NAALADL2: variants seen among roughly 807,000 people sequenced by gnomAD.
NAALADL2 encodes the protein inactive N-acetylated-alpha-linked acidic dipeptidase-like protein 2.
In NAALADL2, 76 loss-of-function variants were observed where a neutral mutation model predicts 87.2. That is an observed-to-expected ratio of 0.87 (90% confidence interval 0.72 to 1.05). The LOEUF (loss-of-function observed/expected upper bound fraction) is 1.05, where lower values mean the gene tolerates loss of function less well. NAALADL2 is among the 50% of genes least tolerant of loss of function. The pLI, the probability that NAALADL2 is intolerant of heterozygous loss-of-function variation, is 0.00. For synonymous variants in NAALADL2, 354 were observed against 331.0 expected (o/e 1.07, Z -0.75); for missense variants, 1,089 against 945.8 (o/e 1.15, Z -1.99).
intron 5 of NAALADL2, among the ~76,000 whole-genome samples, chr3:175,338,812 G>T (rs1762297316): frequency 6.6e-6 from 1 of 152,072 alleles, no homozygotes; most frequent in Non-Finnish European, 1.5e-5. Flanking sequence ...TCCTTTGGCT[G>T]GGGCTGAGCC....
rs1173921697 is a variant in NAALADL2, at chr3:174,527,898, A to G, written c.-183-22671A>G. 2.6e-5 allele frequency among the ~76,000 whole-genome samples: 4 copies of G among 152,310 alleles called. No individual in the cohort carries two copies. In the Middle Eastern group the frequency reaches 0.01, roughly 389 times the overall value. ...TGTATCCCTTTGAAAGTGATGAACT[A>G]GACCGGGGCTGGCAAATTATGGTCC... On this transcript the variant is annotated intron_variant, in intron 1 of 3. Transcript: ENST00000434257.
intron 10 of NAALADL2, among the ~76,000 whole-genome samples, chr3:175,609,898 C>A: frequency 6.6e-6 from 1 of 152,090 alleles, no homozygotes; most frequent in East Asian, 1.9e-4. Flanking sequence ...AAGCACCAGT[C>A]TCTCAAAGTC....
chr3:174,787,766 A>G (rs1236327291), intron 3 of NAALADL2, among the ~76,000 whole-genome samples: 2 of 150,972 alleles, frequency 1.3e-5, no homozygotes, highest in East Asian at 3.9e-4. Context: ...CTAAGTGTCA[A>G]TACGTTGTAT....
intron 1 of NAALADL2, among the ~76,000 whole-genome samples, chr3:174,877,310 A>G (rs1044650874): frequency 6.6e-6 from 1 of 152,168 alleles, no homozygotes; most frequent in African/African-American, 2.4e-5. Flanking sequence ...CTGATGGTTA[A>G]CAAACTTATG....
intron 4 of NAALADL2, among the ~76,000 whole-genome samples, chr3:175,286,114 G>C (rs1257812578): frequency 6.6e-6 from 1 of 152,150 alleles, no homozygotes; most frequent in Non-Finnish European, 1.5e-5. Flanking sequence ...GCACTTATCT[G>C]TTGACATTAG....
intron 1 of NAALADL2, among the ~76,000 whole-genome samples, chr3:175,029,740 A>G (rs2108905760): frequency 6.6e-6 from 1 of 151,892 alleles, no homozygotes; most frequent in South Asian, 2.1e-4. Context: ...GACACACTAA[A>G]CCCCTCTGAG....
At chr3:175,408,237 T>C (rs967085803) in intron 5 of NAALADL2, among the ~76,000 whole-genome samples, 10 of 152,242 alleles carry the variant, frequency 6.6e-5, no homozygotes, top group Admixed American at 6.5e-4. Context: ...TTAATAGCAA[T>C]GCATTGTATA....
intron 3 of NAALADL2, among the ~76,000 whole-genome samples, chr3:174,763,060 A>G (rs1220783459): frequency 6.6e-6 from 1 of 152,148 alleles, no homozygotes; most frequent in Non-Finnish European, 1.5e-5. Context: ...ATGTACAGTT[A>G]CTTTGCTCCT....
At chr3:175,354,785 C>G (rs1440366699) in intron 5 of NAALADL2, among the ~76,000 whole-genome samples, 1 of 151,460 alleles carries the variant, frequency 6.6e-6, no homozygotes, top group Non-Finnish European at 1.5e-5. Context: ...TCCTGAGTAG[C>G]TGGAATTACA....
chr3:175,506,459 C>T (rs7628208), intron 9 of NAALADL2, among the ~76,000 whole-genome samples: 30,803 of 152,074 alleles, frequency 0.2, 5,187 homozygotes, highest in African/African-American at 0.46. Context: ...CTAATAATTT[C>T]AAAGATAAAA....
At chr3:175,705,087 G>A (rs1486725732) in intron 11 of NAALADL2, among the ~76,000 whole-genome samples, 5 of 152,144 alleles carry the variant, frequency 3.3e-5, no homozygotes, top group Admixed American at 6.6e-5. Flanking sequence ...AGGAACCACA[G>A]TAGTGGAGAA....
Position 174,831,216 on chromosome 3 carries a change from C to T in NAALADL2, c.-9+93470C>T, listed in dbSNP as rs1182137836. Reference sequence around the variant, plus strand: ...TCAAAGGGAATGCTTCCAGCTTTTGCCCATTCAGTATGATATTGGCTGTGG... The same window carrying T: ...TCAAAGGGAATGCTTCCAGCTTTTGTCCATTCAGTATGATATTGGCTGTGG... On this transcript the variant is annotated intron_variant, in intron 3 of 3. Coordinates refer to the NAALADL2 transcript ENST00000434257. 2.5e-3 allele frequency among the ~76,000 whole-genome samples: 385 copies of T among 151,764 alleles called. 2 individuals carry two copies. Among genetic ancestry groups the T allele is most frequent in the African/African-American group, 9.1e-3 (374 of 41,192 alleles).
chr3:175,432,542 C>T (rs1013963761), intron 5 of NAALADL2, among the ~76,000 whole-genome samples: 4 of 152,012 alleles, frequency 2.6e-5, no homozygotes, highest in African/African-American at 7.2e-5. Flanking sequence ...TCCGGTTAAC[C>T]TTGGCTCCTT....
At chr3:174,803,632 G>A (rs1719104699) in intron 3 of NAALADL2, among the ~76,000 whole-genome samples, 1 of 152,124 alleles carries the variant, frequency 6.6e-6, no homozygotes, top group South Asian at 2.1e-4. Flanking sequence ...AATACATCTT[G>A]AGTTAATTTT....
At chr3:175,094,602 A>G (rs1270703396) in intron 1 of NAALADL2, among the ~76,000 whole-genome samples, 1 of 151,888 alleles carries the variant, frequency 6.6e-6, no homozygotes, top group Admixed American at 6.6e-5. Flanking sequence ...TCCTTGAATC[A>G]TTTGGGAAAC....
At chr3:174,843,809 G>T (rs1417139269) in intron 3 of NAALADL2, among the ~76,000 whole-genome samples, 1 of 151,632 alleles carries the variant, frequency 6.6e-6, no homozygotes, top group Non-Finnish European at 1.5e-5. Flanking sequence ...ATTTACCTTT[G>T]GATATTTGTA....
intron 1 of NAALADL2, among the ~76,000 whole-genome samples, chr3:174,890,529 T>G (rs1050633846): frequency 6.6e-6 from 1 of 152,100 alleles, no homozygotes; most frequent in African/African-American, 2.4e-5. Flanking sequence ...ACATAAGAAA[T>G]ACAGACAGAA....
intron 1 of NAALADL2, among the ~76,000 whole-genome samples, chr3:174,466,852 A>G (rs1716562621): frequency 6.6e-6 from 1 of 152,292 alleles, no homozygotes; most frequent in African/African-American, 2.4e-5. Flanking sequence ...TTAAACACAT[A>G]GTTCTTTATA....
At chr3:175,233,292 A>G (rs1262166473) in intron 2 of NAALADL2, among the ~76,000 whole-genome samples, 1 of 152,206 alleles carries the variant, frequency 6.6e-6, no homozygotes, top group East Asian at 1.9e-4. Context: ...AACTGGAATG[A>G]CACCTAGATT....
Sources: allele counts gnomAD v4.1 joint callset (sites outside exome capture counted in the v4.1 genomes callset), GRCh38; gene constraint gnomAD v4.1.1; transcripts MANE v1.5; gene names NCBI Gene and HGNC (gene_info 2026-07-23, HGNC 2026-07-21).